Variants in KNTC1 observed in about 807,000 individuals in gnomAD.
The protein encoded by KNTC1 is kinetochore-associated protein 1.
KNTC1 carries 253 observed loss-of-function variants against 314.4 expected under a neutral mutation model. That is an observed-to-expected ratio of 0.80 (90% CI 0.73 to 0.89). The LOEUF is 0.89. Among genes scored for constraint, KNTC1 ranks in the 40% least tolerant of loss-of-function variants. The pLI is 0.00. For synonymous variants in KNTC1, 901 were observed against 901.4 expected (o/e 1.00, Z 0.01); for missense variants, 2,475 against 2,572.9 (o/e 0.96, Z 0.82).
intron 32 of KNTC1, 111 bp downstream of exon 32, chr12:122,580,088 TGTC>T (rs1965304574): frequency 1.4e-6 from 1 of 694,710 alleles, no homozygotes; most frequent in Non-Finnish European, 2.5e-6. Flanking sequence ...TGGTTCTGAT[TGTC>T]TTTATTGATC....
At chr12:122,624,794 T>G in intron 63 of KNTC1, 106 bp downstream of exon 63, 1 of 804,888 alleles carries the variant, frequency 1.2e-6, no homozygotes. Context: ...AATGTATTTT[T>G]ATGTGTAACT....
chr12:122,613,785 TC>T, intron 55 of KNTC1, 24 bp downstream of exon 55: 1 of 1,563,000 alleles, frequency 6.4e-7, no homozygotes, highest in Non-Finnish European at 8.6e-7. Context: ...ACTGCCCCAT[TC>T]CCAATTCCCT....
chr12:122,583,658 T>G (rs1044614846), intron 34 of KNTC1, among the ~76,000 whole-genome samples: 1 of 152,020 alleles, frequency 6.6e-6, no homozygotes, highest in African/African-American at 2.4e-5. Flanking sequence ...AAACCCTGTC[T>G]CTACTAAAAA....
chr12:122,546,807 A>G (rs1290839384), intron 10 of KNTC1, 133 bp downstream of exon 10: 1 of 498,572 alleles, frequency 2.0e-6, no homozygotes. Flanking sequence ...CAGTATATGT[A>G]CCAAAAAGTT....
chr12:122,539,253 A>G (rs1380616113), intron 4 of KNTC1, among the ~76,000 whole-genome samples: 1 of 152,210 alleles, frequency 6.6e-6, no homozygotes, highest in Admixed American at 6.6e-5. Flanking sequence ...ATGCCCAGAC[A>G]TATGAAGCCT....
rs1869735913 is a variant in KNTC1, at chr12:122,588,790, G to A, written c.3973G>A (p.Glu1325Lys). The stretch of plus-strand genomic sequence containing the variant: ...AGAAAAAGCTGTTATATTTATCAGG[G>A]AAAATGCTACAACACTACTGCACAA... ...LKEKAVIFIRENATTLLHKVF... is the reference protein window; with the variant it reads ...LKEKAVIFIRKNATTLLHKVF... The change falls in exon 40 of 64, where the codon GAA (glutamate) becomes AAA (lysine). Residue 1325 changes from glutamate (E) to lysine (K), a missense_variant. By Grantham distance (56) the Glu-to-Lys change is moderately conservative. Transcript: ENST00000333479. 1.9e-6 allele frequency: 3 copies of A among 1,560,784 alleles called. No homozygotes were observed. In the South Asian group the frequency reaches 3.6e-5, roughly 19 times the overall value.
At chr12:122,608,450 C>G (rs1213901921) in intron 51 of KNTC1, among the ~76,000 whole-genome samples, 3 of 152,044 alleles carry the variant, frequency 2.0e-5, no homozygotes, top group Non-Finnish European at 4.4e-5. Flanking sequence ...TTTTAATTAG[C>G]AATTTTTATA....
At chr12:122,581,925 C>G (rs1416144661) in intron 33 of KNTC1, among the ~76,000 whole-genome samples, 1 of 152,116 alleles carries the variant, frequency 6.6e-6, no homozygotes, top group Non-Finnish European at 1.5e-5. Context: ...TTTTCATGAC[C>G]CTGAGCAGAA....
chr12:122,595,987 GT>G (rs1206416335), intron 43 of KNTC1, among the ~76,000 whole-genome samples: 1 of 150,952 alleles, frequency 6.6e-6, no homozygotes, highest in South Asian at 2.1e-4. Context: ...TGATATTTTA[GT>G]TATGCTGTAT....
rs377338340 is a variant in KNTC1, at chr12:122,597,936, A to G, written c.4561A>G (p.Lys1521Glu). ...CATCAGTCTTAGTGGAATACTACAT[A>G]AGGTAGACACACAGTGAAATGAATC... The part of the protein sequence containing the change: ...LVISLSGILH[K>E]LDPYDYEMIE... Residue 1521 changes from lysine to glutamate, a missense_variant and splice_region_variant, in exon 44 of 64, where the codon AAG becomes GAG. Transcript: ENST00000333479. 6.2e-7 allele frequency: 1 copy of G among 1,612,500 alleles called. No homozygotes were observed. The highest frequency in any genetic ancestry group is 8.5e-7 in the Non-Finnish European group (1 of 1,178,622).
rs532175297 is a variant in KNTC1, at chr12:122,539,830, G to A, written c.445+76G>A. The A allele has an allele frequency of 1.7e-4, 155 of 926,388 alleles. No homozygotes were observed. In the South Asian group the frequency reaches 2.3e-3, roughly 14 times the overall value. The allele number at this position is 926,388 out of a possible 1,614,324, so 57.4% of individuals were successfully genotyped here. On this transcript the variant is annotated intron_variant, in intron 5 of 63. Transcript: ENST00000333479. ...GGAGTCTCCCTTTGTCGCCCAGGCT[G>A]GAGTGCAGTGGCGCAATCTCAGGTC...
In KNTC1 at chr12:122,594,248, T is replaced by G. The variant is rs756584235; in HGVS notation, c.4246-28T>G. ...TACATTTCAGTGTAGAGGGTTTTTT[T>G]GCTTTGTTTTTTTCTTTTTATTTCT... On this transcript the variant is annotated intron_variant, in intron 42 of 63. Transcript: ENST00000333479. The G allele has an allele frequency of 1.3e-5, 17 of 1,311,686 alleles. No homozygotes were observed. In the African/African-American group the frequency reaches 2.3e-4, roughly 18 times the overall value. The allele number at this position is 1,311,686 out of a possible 1,614,324, so 81.3% of individuals were successfully genotyped here. A position where few individuals can be genotyped will look rare whatever the true frequency, so the allele number is the denominator to read the frequency against.
chr12:122,588,024 A>G lies in KNTC1; in HGVS notation c.3894+150A>G, dbSNP rs1297814043. 80 of 661,734 alleles carry G rather than the reference A, an allele frequency of 1.2e-4. 1 individual carries two copies. The highest frequency in any genetic ancestry group is 1.9e-4 in the South Asian group (8 of 43,130). 41.0% of individuals were successfully genotyped at this position (661,734 alleles called of 1,614,324 possible). ...TTAAGAACATTTGTTGAGCATCTCTAAGAATCTGGTGTGGGAATAAGGTGC... is the reference window on the plus strand; with the variant it reads ...TTAAGAACATTTGTTGAGCATCTCTGAGAATCTGGTGTGGGAATAAGGTGC... On this transcript the variant is annotated intron_variant, in intron 39 of 63. Coordinates refer to ENST00000333479, the MANE Select transcript of KNTC1 (RefSeq NM_014708.6).
chr12:122,591,683 C>A (rs1870224878), intron 42 of KNTC1, among the ~76,000 whole-genome samples: 2 of 152,008 alleles, frequency 1.3e-5, no homozygotes, highest in South Asian at 4.2e-4. Context: ...TTTTCAGCTG[C>A]TTAACTTTCT....
chr12:122,547,251 T>G (rs2137748422), intron 10 of KNTC1, among the ~76,000 whole-genome samples, 164 bp from the exon 11 acceptor site: 1 of 151,796 alleles, frequency 6.6e-6, no homozygotes, highest in East Asian at 2.0e-4. Context: ...GGTGGGCGCC[T>G]GTAATCCCAG....
chr12:122,600,787 T>C (rs1288630626), intron 44 of KNTC1, among the ~76,000 whole-genome samples: 2 of 151,994 alleles, frequency 1.3e-5, no homozygotes, highest in African/African-American at 4.8e-5. Context: ...TGCCTCCGCC[T>C]CCCAAGTAGC....
Position 122,584,336 on chromosome 12 carries a change from C to T in KNTC1, c.3322C>T (p.Gln1108Ter). 6.2e-7 allele frequency: 1 copy of T among 1,613,582 alleles called. No homozygotes were observed. Among genetic ancestry groups the T allele is most frequent in the South Asian group, 1.1e-5 (1 of 91,040 alleles). Residue 1108 changes from glutamine to a stop codon, truncating the protein, a stop_gained, in exon 35 of 64, where the codon CAG (glutamine) becomes TAG (stop). Coordinates refer to ENST00000333479, the MANE Select transcript of KNTC1 (RefSeq NM_014708.6). LOFTEE classifies it high-confidence loss of function. ...DTGKLLFLTC[Q>*]KLCQMLADNV... The stretch of plus-strand genomic sequence containing the variant: ...TGGGAAATTGCTATTTCTGACATGT[C>T]AGAAGCTTTGTCAGATGTTGGCTGA...
intron 20 of KNTC1, among the ~76,000 whole-genome samples, chr12:122,567,154 A>G (rs1400894033): frequency 6.6e-6 from 1 of 151,662 alleles, no homozygotes; most frequent in Non-Finnish European, 1.5e-5. Flanking sequence ...GCTCACTGCA[A>G]CCTCTGCCTC....
intron 38 of KNTC1, among the ~76,000 whole-genome samples, chr12:122,587,108 C>T (rs997228907): frequency 3.9e-5 from 6 of 152,186 alleles, no homozygotes; most frequent in Non-Finnish European, 8.8e-5. Flanking sequence ...TGAGCCACCA[C>T]GTCTGGCCTT....
Sources: allele counts gnomAD v4.1 joint callset (sites outside exome capture counted in the v4.1 genomes callset), GRCh38; gene constraint gnomAD v4.1.1; transcripts MANE v1.5; gene names NCBI Gene and HGNC (gene_info 2026-07-23, HGNC 2026-07-21).